Variants in FAF1 observed in about 807,000 individuals in gnomAD.
FAF1 encodes FAS-associated factor 1.
Under a neutral mutation model 92.5 loss-of-function variants are expected in FAF1, and 25 were observed. The ratio of observed to expected loss-of-function variants is 0.27; its 90% CI spans 0.20 to 0.38. FAF1 has a LOEUF of 0.38. Among genes scored for constraint, FAF1 ranks in the 10% least tolerant of loss-of-function variants. The probability of loss-of-function intolerance (pLI) is 1.00; values close to 1 mark genes in which losing one functional copy is unlikely to be tolerated. For synonymous variants in FAF1, 234 were observed against 273.2 expected, an observed-to-expected ratio of 0.86 and a Z score of 1.42; for missense variants, 636 against 793.3, an observed-to-expected ratio of 0.80 and a Z score of 2.38.
intron 2 of FAF1, among the ~76,000 whole-genome samples, chr1:50,843,103 C>T (rs900400801): frequency 6.6e-6 from 1 of 152,104 alleles, no homozygotes; most frequent in African/African-American, 2.4e-5. Context: ...GAGATGTTAT[C>T]GAATGCCAAT....
chr1:50,709,714 C>T (rs1283524267), intron 6 of FAF1, among the ~76,000 whole-genome samples: 1 of 152,146 alleles, frequency 6.6e-6, no homozygotes, highest in African/African-American at 2.4e-5. Context: ...TTGGGCGATA[C>T]AAGGTGAACA....
At chr1:50,904,648 C>G (rs186244199) in intron 1 of FAF1, among the ~76,000 whole-genome samples, 36 of 152,038 alleles carry the variant, frequency 2.4e-4, no homozygotes, top group Middle Eastern at 6.8e-3. Flanking sequence ...CAAATATTTC[C>G]CTAGTGGATT....
rs144974401 is a variant in FAF1 at position 50,441,940 on chromosome 1, C to T, written c.1870-417G>A. ...GGGGCTGATCTTCCTCTTAGAACTACATTATAAACTGTAGAATGGCCATTC... is the reference window on the plus strand; with the variant it reads ...GGGGCTGATCTTCCTCTTAGAACTATATTATAAACTGTAGAATGGCCATTC... On this transcript the variant is annotated intron_variant, in intron 18 of 18. Coordinates refer to ENST00000396153, the MANE Select transcript of FAF1 (RefSeq NM_007051.3). Among the ~76,000 whole-genome samples, 1,021 of 151,790 alleles carry T rather than the reference C, an allele frequency of 6.7e-3. 15 individuals are homozygous for T. Among genetic ancestry groups the T allele is most frequent in the African/African-American group, 0.023 (939 of 41,380 alleles).
intron 18 of FAF1, among the ~76,000 whole-genome samples, chr1:50,468,910 A>T (rs1646534870): frequency 6.6e-6 from 1 of 152,210 alleles, no homozygotes; most frequent in South Asian, 2.1e-4. Context: ...ATTAAAATTT[A>T]AAAAATTTAA....
chr1:50,762,847 A>T (rs1239033188), intron 4 of FAF1, among the ~76,000 whole-genome samples: 2 of 152,200 alleles, frequency 1.3e-5, no homozygotes. Context: ...ATGGGATCTA[A>T]TTAAACTAAA....
chr1:50,452,221 AAG>A (rs1321662594), intron 18 of FAF1: 1 of 1,207,550 alleles, frequency 8.3e-7, no homozygotes, highest in Non-Finnish European at 1.1e-6. Context: ...AAGCAAATAA[AAG>A]AAAGTCCCGC....
intron 4 of FAF1, among the ~76,000 whole-genome samples, chr1:50,761,610 C>A: frequency 6.6e-6 from 1 of 152,124 alleles, no homozygotes. Context: ...TCAGTAGATG[C>A]AGAAAAAGCC....
chr1:50,660,725 CT>C (rs1190946808), intron 7 of FAF1, among the ~76,000 whole-genome samples: 1 of 152,080 alleles, frequency 6.6e-6, no homozygotes, highest in Non-Finnish European at 1.5e-5. Context: ...AGCTCCTGAC[CT>C]TGTGATCTGC....
chr1:50,641,850 T>A (rs1654343986), intron 8 of FAF1, among the ~76,000 whole-genome samples: 2 of 152,216 alleles, frequency 1.3e-5, no homozygotes, highest in South Asian at 2.1e-4. Flanking sequence ...GATCATTCTG[T>A]CTTCTGGATG....
At chr1:50,927,307 G>A (rs1041110000) in intron 1 of FAF1, among the ~76,000 whole-genome samples, 2 of 152,092 alleles carry the variant, frequency 1.3e-5, no homozygotes, top group African/African-American at 2.4e-5. Flanking sequence ...GGGACCAAGC[G>A]TGGTGGCTCA....
chr1:50,464,934 C>T (rs1646475749), intron 18 of FAF1, among the ~76,000 whole-genome samples: 1 of 152,210 alleles, frequency 6.6e-6, no homozygotes, highest in African/African-American at 2.4e-5. Context: ...TTACCAAATA[C>T]TTAGTCTAGG....
At chr1:50,908,005 A>C (rs1466911324) in intron 1 of FAF1, among the ~76,000 whole-genome samples, 1 of 152,114 alleles carries the variant, frequency 6.6e-6, no homozygotes, top group Non-Finnish European at 1.5e-5. Context: ...TCTTGTGGGC[A>C]TTTAGTGCTA....
At chr1:50,624,209 G>A (rs577039592) in intron 8 of FAF1, among the ~76,000 whole-genome samples, 6 of 152,080 alleles carry the variant, frequency 3.9e-5, no homozygotes, top group Non-Finnish European at 5.9e-5. Context: ...GTGGAGTGGC[G>A]TGATCTCAGC....
intron 17 of FAF1, among the ~76,000 whole-genome samples, chr1:50,489,901 T>A (rs541585187): frequency 1.4e-3 from 1 of 736 alleles, no homozygotes; most frequent in Non-Finnish European, 2.7e-3. Context: ...CCAACAAATA[T>A]TTGTTGGCAC....
At chr1:50,876,918 T>C (rs553383876) in intron 1 of FAF1, among the ~76,000 whole-genome samples, 1 of 152,338 alleles carries the variant, frequency 6.6e-6, no homozygotes, top group African/African-American at 2.4e-5. Flanking sequence ...TGAAGTAGTA[T>C]TGAATTACAA....
chr1:50,772,533 G>A (rs1386577367), intron 4 of FAF1, among the ~76,000 whole-genome samples: 1 of 152,172 alleles, frequency 6.6e-6, no homozygotes, highest in African/African-American at 2.4e-5. Context: ...AAAAGAATGA[G>A]ATCATGTCCT....
intron 18 of FAF1, among the ~76,000 whole-genome samples, chr1:50,451,474 C>T (rs1012116376): frequency 1.3e-5 from 2 of 152,284 alleles, no homozygotes; most frequent in Admixed American, 1.3e-4. Context: ...AATGCACAGG[C>T]AGGAAGTGGC....
At chr1:50,608,216 C>T (rs1183778914) in intron 8 of FAF1, among the ~76,000 whole-genome samples, 3 of 152,188 alleles carry the variant, frequency 2.0e-5, no homozygotes, top group Non-Finnish European at 4.4e-5. Flanking sequence ...GCAGTAACTT[C>T]TGGGTGTTCC....
At chr1:50,641,825 C>T (rs1161449805) in intron 8 of FAF1, among the ~76,000 whole-genome samples, 1 of 152,142 alleles carries the variant, frequency 6.6e-6, no homozygotes, top group Non-Finnish European at 1.5e-5. Flanking sequence ...TGTTACCAGG[C>T]ACATACACAT....
Sources: allele counts gnomAD v4.1 joint callset (sites outside exome capture counted in the v4.1 genomes callset), GRCh38; gene constraint gnomAD v4.1.1; transcripts MANE v1.5; gene names NCBI Gene and HGNC (gene_info 2026-07-23, HGNC 2026-07-21).